Variants in SUSD6 observed in about 807,000 individuals in gnomAD.
SUSD6 encodes the protein sushi domain-containing protein 6.
A neutral mutation model predicts 28.4 loss-of-function variants in SUSD6; 16 were observed. The ratio of observed to expected loss-of-function variants is 0.56; its 90% CI spans 0.38 to 0.86. The LOEUF (loss-of-function observed/expected upper bound fraction) is 0.86, where lower values mean the gene tolerates loss of function less well. Ranked by LOEUF, SUSD6 falls within the 40% of genes least tolerant of loss-of-function variation. The probability of loss-of-function intolerance (pLI) is 0.00; values close to 1 mark genes in which losing one functional copy is unlikely to be tolerated. For missense variants in SUSD6, 341 were observed against 384.2 expected, an observed-to-expected ratio of 0.89 and a Z score of 0.94; for synonymous variants, 147 against 159.6, an observed-to-expected ratio of 0.92 and a Z score of 0.59.
At chr14:69,618,491 AGTGTGCATAT>A (rs1445117505) in intron 1 of SUSD6, among the ~76,000 whole-genome samples, 2 of 152,242 alleles carry the variant, frequency 1.3e-5, no homozygotes, top group Admixed American at 6.5e-5. Flanking sequence ...AGCTCTTGAA[AGTGTGCATAT>A]GCAGGCTACC....
intron 1 of SUSD6, among the ~76,000 whole-genome samples, chr14:69,613,878 T>C (rs1884918558): frequency 6.6e-6 from 1 of 152,226 alleles, no homozygotes; most frequent in African/African-American, 2.4e-5. Context: ...GCAAACCCAC[T>C]GTCAAATGGG....
At chr14:69,705,332 AC>A (rs929493105) in intron 4 of SUSD6, among the ~76,000 whole-genome samples, 3 of 141,500 alleles carry the variant, frequency 2.1e-5, no homozygotes, top group South Asian at 2.1e-4. Flanking sequence ...AAAAAAAAAA[AC>A]AAAAAAAAAC....
At position 69,627,159 on chromosome 14, in the gene SUSD6, G is replaced by A. The variant is rs969513300; in HGVS notation, c.-81+15331G>A. 2.0e-5 allele frequency among the ~76,000 whole-genome samples: 3 copies of A among 152,212 alleles called. No homozygotes were observed. The South Asian group carries it at 6.2e-4, about 32-fold the overall frequency. On this transcript the variant is annotated intron_variant, in intron 1 of 5. Transcript: ENST00000342745. ...TGGTGGAAGTCCCTCTAAAACACAA[G>A]TTGTTCAGGACTTTTATTATGTTGC... is the stretch of plus-strand genomic sequence containing the variant.
In SUSD6 at chr14:69,711,293, C is replaced by T. The variant is rs1886459723; in HGVS notation, c.*314C>T. 1 of 416,460 alleles carries T rather than the reference C, an allele frequency of 2.4e-6. No homozygotes were observed. The highest frequency in any genetic ancestry group is 3.0e-5 in the South Asian group (1 of 33,830). The allele number at this position is 416,460 out of a possible 1,614,324, so 25.8% of individuals were successfully genotyped here. On this transcript the variant is annotated 3_prime_UTR_variant, in exon 6 of 6. Coordinates refer to ENST00000342745, the MANE Select transcript of SUSD6 (RefSeq NM_014734.4). ...AAGCCTCTGGGTCCCCTCCAGCCAGCTCTTTGGCGGCAGCCCCCACCAGCT... is the reference window on the plus strand; with the variant it reads ...AAGCCTCTGGGTCCCCTCCAGCCAGTTCTTTGGCGGCAGCCCCCACCAGCT...
intron 2 of SUSD6, among the ~76,000 whole-genome samples, chr14:69,684,515 G>GTAAATT (rs1161870768): frequency 6.6e-6 from 1 of 152,242 alleles, no homozygotes; most frequent in African/African-American, 2.4e-5. Context: ...AGTAGGGAGA[G>GTAAATT]TAAATTATTG....
At chr14:69,678,699 A>T (rs1885953576) in intron 2 of SUSD6, among the ~76,000 whole-genome samples, 2 of 152,110 alleles carry the variant, frequency 1.3e-5, no homozygotes, top group African/African-American at 4.8e-5. Flanking sequence ...GCTCTTCGGG[A>T]GGGTGAGGTG....
chr14:69,664,792 G>T (rs1309336886), intron 2 of SUSD6, among the ~76,000 whole-genome samples: 1 of 152,230 alleles, frequency 6.6e-6, no homozygotes, highest in Non-Finnish European at 1.5e-5. Context: ...TAACTTGCCA[G>T]CTTAGAGGTT....
intron 2 of SUSD6, among the ~76,000 whole-genome samples, chr14:69,689,961 C>T (rs1041435220): frequency 1.3e-5 from 2 of 152,292 alleles, no homozygotes; most frequent in South Asian, 2.1e-4. Context: ...ACACCATGCC[C>T]GTGTTTTTTT....
At chr14:69,671,329 G>A (rs1473736272) in intron 2 of SUSD6, among the ~76,000 whole-genome samples, 1 of 152,204 alleles carries the variant, frequency 6.6e-6, no homozygotes, top group African/African-American at 2.4e-5. Context: ...GAGAAGAATA[G>A]CAGTGGGCAC....
At chr14:69,654,546 G>A (rs1417168962) in intron 1 of SUSD6, among the ~76,000 whole-genome samples, 1 of 152,114 alleles carries the variant, frequency 6.6e-6, no homozygotes, top group Non-Finnish European at 1.5e-5. Context: ...GGAGCAATTA[G>A]GTTTTTGGGA....
chr14:69,678,816 T>C, intron 2 of SUSD6, among the ~76,000 whole-genome samples: 1 of 151,948 alleles, frequency 6.6e-6, no homozygotes, highest in Middle Eastern at 3.4e-3. Context: ...AAAAGAAAAA[T>C]AGTTAACAAA....
intron 2 of SUSD6, among the ~76,000 whole-genome samples, chr14:69,667,481 A>G (rs1885761251): frequency 2.1e-5 from 3 of 143,414 alleles, no homozygotes; most frequent in Admixed American, 7.4e-5. Context: ...GGTTCACGCC[A>G]TTCTCCTGTC....
At chr14:69,693,755 A>T (rs906751577) in intron 2 of SUSD6, among the ~76,000 whole-genome samples, 2 of 152,214 alleles carry the variant, frequency 1.3e-5, no homozygotes, top group African/African-American at 4.8e-5. Context: ...CAGAGGAGTT[A>T]TGACAGTTGA....
intron 1 of SUSD6, chr14:69,617,197 A>G (rs1595028132): frequency 1.3e-5 from 2 of 152,180 alleles, no homozygotes; most frequent in Admixed American, 6.5e-5. Flanking sequence ...GCTGATGGAC[A>G]GTTGGGTTGT....
intron 1 of SUSD6, among the ~76,000 whole-genome samples, chr14:69,630,575 C>T (rs1156893959): frequency 6.6e-6 from 1 of 151,950 alleles, no homozygotes; most frequent in Non-Finnish European, 1.5e-5. Context: ...GACTAAAACA[C>T]AGAGGAAAAA....
At chr14:69,619,337 AT>A (rs2139589914) in intron 1 of SUSD6, among the ~76,000 whole-genome samples, 1 of 152,370 alleles carries the variant, frequency 6.6e-6, no homozygotes, top group South Asian at 2.1e-4. Context: ...TGCTCTGCCT[AT>A]GGAGCAGCCA....
chr14:69,646,700 C>CTTTTTTTTTTTTTTTTTTTTTTTTT (rs61409476), intron 1 of SUSD6, among the ~76,000 whole-genome samples: 1 of 109,220 alleles, frequency 9.2e-6, no homozygotes, highest in Non-Finnish European at 1.7e-5. Flanking sequence ...TTTTTTCCAT[C>CTTTTTTTTTTTTTTTTTTTTTTTTT]TTTTTTTTTT....
chr14:69,665,496 A>C (rs8020026), intron 2 of SUSD6, among the ~76,000 whole-genome samples: 9,562 of 152,224 alleles, frequency 0.063, 341 homozygotes, highest in East Asian at 0.15. Context: ...CAAACGATCC[A>C]CCCGCCTTGG....
intron 1 of SUSD6, among the ~76,000 whole-genome samples, chr14:69,658,109 C>T (rs541363662): frequency 3.3e-5 from 5 of 152,368 alleles, no homozygotes; most frequent in Admixed American, 2.6e-4. Flanking sequence ...CACGTGTTCT[C>T]TCTCTTTTTT....
Sources: gnomAD v4.1 joint callset for allele counts (sites outside exome capture counted in the v4.1 genomes callset) on GRCh38, gnomAD v4.1.1 for gene constraint, MANE v1.5 for transcripts, NCBI Gene and HGNC (gene_info 2026-07-23, HGNC 2026-07-21) for gene names.